Variants in ANKFN1 observed in about 807,000 individuals in gnomAD.
The protein encoded by ANKFN1 is ankyrin repeat and fibronectin type III domain containing 1.
A neutral mutation model predicts 108.7 loss-of-function variants in ANKFN1; 74 were observed. The ratio of observed to expected loss-of-function variants is 0.68; its 90% CI spans 0.56 to 0.83. The LOEUF (loss-of-function observed/expected upper bound fraction) is 0.83. Ranked by LOEUF, ANKFN1 falls within the 40% of genes least tolerant of loss-of-function variation. ANKFN1 has a pLI of 0.00. For synonymous variants in ANKFN1, 547 were observed against 516.2 expected, an observed-to-expected ratio of 1.06 and a Z score of -0.81; for missense variants, 1,505 against 1,382.3, an observed-to-expected ratio of 1.09 and a Z score of -1.41.
intron 5 of ANKFN1, among the ~76,000 whole-genome samples, chr17:56,352,996 T>C (rs2046284029): frequency 6.6e-6 from 1 of 152,114 alleles, no homozygotes; most frequent in Non-Finnish European, 1.5e-5. Context: ...AAGTGTACTC[T>C]CAATTCCAAG....
At chr17:56,270,900 T>C (rs1598332980) in intron 3 of ANKFN1, among the ~76,000 whole-genome samples, 1 of 152,210 alleles carries the variant, frequency 6.6e-6, no homozygotes, top group African/African-American at 2.4e-5. Flanking sequence ...ACTCCAGCTA[T>C]AGTAGTACCT....
At chr17:56,135,088 C>T (rs1257694751) in intron 4 of ANKFN1, among the ~76,000 whole-genome samples, 3 of 152,136 alleles carry the variant, frequency 2.0e-5, no homozygotes, top group Non-Finnish European at 2.9e-5. Flanking sequence ...TAGTGGAATT[C>T]TCAGACAGGA....
chr17:56,123,476 G>T (rs946467751), intron 4 of ANKFN1, among the ~76,000 whole-genome samples: 1 of 152,308 alleles, frequency 6.6e-6, no homozygotes, highest in Non-Finnish European at 1.5e-5. Flanking sequence ...TGTGACCTGT[G>T]TTCGGCAGGT....
intron 18 of ANKFN1, among the ~76,000 whole-genome samples, chr17:56,489,800 A>G (rs957504103): frequency 6.6e-6 from 1 of 152,074 alleles, no homozygotes; most frequent in South Asian, 2.1e-4. Context: ...CAGCCAAGAG[A>G]GGACATCTGT....
chr17:56,246,305 C>T (rs1032835545), intron 3 of ANKFN1, among the ~76,000 whole-genome samples: 2 of 151,984 alleles, frequency 1.3e-5, no homozygotes, highest in Non-Finnish European at 2.9e-5. Flanking sequence ...AGGGTTGAAC[C>T]GAGAACTTTT....
In ANKFN1 at chr17:56,191,714, G is replaced by A. The variant is rs566059974; in HGVS notation, c.-70-20884G>A. 7.9e-3 allele frequency among the ~76,000 whole-genome samples: 1,150 copies of A among 146,208 alleles called. 1 individual carries two copies. The highest frequency in any genetic ancestry group is 0.013 in the Non-Finnish European group (857 of 66,916). On this transcript the variant is annotated intron_variant, in intron 1 of 20. Transcript: ENST00000682825. ...GTCTTGGAGTTGCTCTTCTCGAGGA[G>A]CATCTTTGTGGCGTTCTCTGTATTT... is the stretch of plus-strand genomic sequence containing the variant.
At chr17:56,437,233 T>A (rs1360999524) in intron 8 of ANKFN1, among the ~76,000 whole-genome samples, 1 of 152,230 alleles carries the variant, frequency 6.6e-6, no homozygotes, top group Non-Finnish European at 1.5e-5. Context: ...CTTTTCCACC[T>A]GAAACTTGCT....
chr17:56,151,425 A>AT (rs1299475047), upstream of ANKFN1, among the ~76,000 whole-genome samples: 1 of 152,174 alleles, frequency 6.6e-6, no homozygotes, highest in East Asian at 1.9e-4. Context: ...TAATTTGTGC[A>AT]TTTTTTGGTA....
chr17:56,482,313 G>A (rs765945339), intron 17 of ANKFN1, 43 bp from the exon 18 acceptor site: 6 of 1,519,444 alleles, frequency 3.9e-6, no homozygotes, highest in Non-Finnish European at 5.3e-6. Flanking sequence ...TAAGTGCCAT[G>A]TTGTAACTCT....
rs551486036 is a variant in ANKFN1, at chr17:56,053,400, A to C, written c.288+7075A>C. 2.0e-5 allele frequency among the ~76,000 whole-genome samples: 3 copies of C among 152,282 alleles called. No individual in the cohort carries two copies. In the South Asian group the frequency reaches 6.2e-4, roughly 32 times the overall value. On this transcript the variant is annotated intron_variant, in intron 4 of 12. Coordinates refer to the ANKFN1 transcript ENST00000635860. ...CCCACAAGTGTAAATGAGAGCATAC[A>C]AAGTTTGTCTTTCTGTGCCTGGCTC...
intron 3 of ANKFN1, among the ~76,000 whole-genome samples, chr17:56,254,837 A>G (rs2043319171): frequency 6.6e-6 from 1 of 152,144 alleles, no homozygotes; most frequent in Admixed American, 6.5e-5. Context: ...GGAGTGAAGG[A>G]CCTGTGCTCT....
At chr17:56,176,605 G>T (rs1450626888) in intron 1 of ANKFN1, among the ~76,000 whole-genome samples, 1 of 152,074 alleles carries the variant, frequency 6.6e-6, no homozygotes, top group African/African-American at 2.4e-5. Flanking sequence ...GAATATCGTT[G>T]GCCCTCAAAA....
chr17:56,499,387 G>A (rs1233565617), intron 20 of ANKFN1, among the ~76,000 whole-genome samples: 1 of 152,148 alleles, frequency 6.6e-6, no homozygotes, highest in African/African-American at 2.4e-5. Context: ...CAGCTTCAAA[G>A]ATGCAGACTG....
At chr17:56,171,589 A>G (rs1166947650) in intron 1 of ANKFN1, among the ~76,000 whole-genome samples, 1 of 152,212 alleles carries the variant, frequency 6.6e-6, no homozygotes, top group African/African-American at 2.4e-5. Flanking sequence ...AGAAGGGGAA[A>G]AAAATCCAAA....
chr17:56,288,152 C>A (rs371309857), intron 3 of ANKFN1, among the ~76,000 whole-genome samples: 3 of 152,026 alleles, frequency 2.0e-5, no homozygotes, highest in African/African-American at 7.2e-5. Context: ...ATTCATACAG[C>A]ACAAAAAATG....
chr17:56,250,447 A>G (rs777206027), intron 3 of ANKFN1, among the ~76,000 whole-genome samples: 5 of 152,230 alleles, frequency 3.3e-5, no homozygotes, highest in Admixed American at 2.0e-4. Flanking sequence ...ATCCTTCTTT[A>G]ACTGACATGT....
chr17:56,489,450 TA>T (rs79704215), intron 18 of ANKFN1, among the ~76,000 whole-genome samples: 76,616 of 140,140 alleles, frequency 0.55, 23,484 homozygotes, highest in East Asian at 0.84. Context: ...GGTCTGGATT[TA>T]AAAAAAAAAA....
chr17:56,164,720 G>A (rs1405842215), intron 1 of ANKFN1, among the ~76,000 whole-genome samples: 1 of 152,018 alleles, frequency 6.6e-6, no homozygotes, highest in African/African-American at 2.4e-5. Context: ...ATTATTCTTG[G>A]GGCCTCTTAT....
intron 1 of ANKFN1, among the ~76,000 whole-genome samples, chr17:56,200,895 G>A (rs1046829244): frequency 3.9e-5 from 6 of 152,166 alleles, no homozygotes; most frequent in Non-Finnish European, 7.3e-5. Flanking sequence ...GTTAGTCATA[G>A]CGATGATCAA....
Sources: gnomAD v4.1 joint callset for allele counts (sites outside exome capture counted in the v4.1 genomes callset) on GRCh38, gnomAD v4.1.1 for gene constraint, MANE v1.5 for transcripts, NCBI Gene and HGNC (gene_info 2026-07-23, HGNC 2026-07-21) for gene names.